Variants in JAKMIP1 observed in about 807,000 individuals in gnomAD.
The protein encoded by JAKMIP1 is janus kinase and microtubule interacting protein 1, also known as janus kinase and microtubule-interacting protein 1.
A neutral mutation model predicts 113.0 loss-of-function variants in JAKMIP1; 33 were observed. That is an observed-to-expected ratio of 0.29 (90% CI 0.22 to 0.39). JAKMIP1 has a LOEUF of 0.39. JAKMIP1 is among the 10% of genes least tolerant of loss of function. The probability of loss-of-function intolerance (pLI) is 1.00; values close to 1 mark genes in which losing one functional copy is unlikely to be tolerated. For synonymous variants in JAKMIP1, 480 were observed against 459.9 expected (o/e 1.04, Z -0.56); for missense variants, 813 against 1,080.5 (o/e 0.75, Z 3.47).
At chr4:6,057,538 TG>T (rs1716648381) in intron 11 of JAKMIP1, among the ~76,000 whole-genome samples, 1 of 152,238 alleles carries the variant, frequency 6.6e-6, no homozygotes, top group Admixed American at 6.5e-5. Flanking sequence ...TCTGTCTCCC[TG>T]GCACCTGGCA....
chr4:6,122,074 G>A (rs763937887), intron 1 of JAKMIP1, among the ~76,000 whole-genome samples: 9 of 152,242 alleles, frequency 5.9e-5, no homozygotes, highest in Non-Finnish European at 1.2e-4. Flanking sequence ...GCCGGATGCA[G>A]TGGCTCACGC....
In JAKMIP1 at chr4:6,044,722, G is replaced by A. The variant is rs192296698; in HGVS notation, c.2029-2495C>T. Among the ~76,000 whole-genome samples the A allele has an allele frequency of 6.1e-5, 9 of 146,836 alleles. No individual in the cohort carries two copies. In the East Asian group the frequency reaches 1.2e-3, roughly 19 times the overall value. On this transcript the variant is annotated intron_variant, in intron 16 of 20. Transcript: ENST00000409021. The surrounding 1 kb of genome is among the most constrained non-coding windows in gnomAD (Gnocchi z 4.4). ...AGTGTTGAGATTTGTTGCTGCTGTCGTTTAAAAAATTGCATATAAAAAATA... is the reference window on the plus strand; with the variant it reads ...AGTGTTGAGATTTGTTGCTGCTGTCATTTAAAAAATTGCATATAAAAAATA...
rs2108993894 is a variant in JAKMIP1 at position 6,156,405 on chromosome 4, T to C, written c.-147-43408A>G. Among the ~76,000 whole-genome samples, 1 of 152,366 alleles carries C rather than the reference T, an allele frequency of 6.6e-6. No individual in the cohort carries two copies. Among genetic ancestry groups the C allele is most frequent in the South Asian group, 2.1e-4 (1 of 4,828 alleles). On this transcript the variant is annotated intron_variant, in intron 1 of 20. Coordinates refer to ENST00000409021, the MANE Select transcript of JAKMIP1 (RefSeq NM_001099433.2). This position sits in a 1 kb window ranked among gnomAD's most constrained non-coding sequence, Gnocchi z 5.0. ...ATGCATGTCCCAATTGACAGCAGCT[T>C]AGATTTAATAAAATACGGTACCTAA...
chr4:6,154,385 G>A lies in JAKMIP1; in HGVS notation c.-147-41388C>T, dbSNP rs1275423664. On this transcript the variant is annotated intron_variant, in intron 1 of 20. Transcript: ENST00000409021. The surrounding 1 kb of genome is among the most constrained non-coding windows in gnomAD (Gnocchi z 4.2). ...CCAGAAAGGATTTACCACAAAGAGC[G>A]TGAAGAGAGTGGTCCCCTTCCAAGT... Among the ~76,000 whole-genome samples the A allele has an allele frequency of 6.6e-6, 1 of 152,014 alleles. No individual in the cohort carries two copies. The highest frequency in any genetic ancestry group is 1.5e-5 in the Non-Finnish European group (1 of 68,008).
intron 16 of JAKMIP1, among the ~76,000 whole-genome samples, chr4:6,047,210 C>T (rs1361890396): frequency 2.0e-5 from 3 of 152,194 alleles, no homozygotes; most frequent in East Asian, 1.9e-4. Flanking sequence ...GAGGCCTCCC[C>T]GACATCAAAG....
chr4:6,188,025 C>T lies in JAKMIP1; in HGVS notation c.-148+12228G>A, dbSNP rs186259339. ...AGGTATTTCTTTTAAATGTAGATAGCAGAATTACCTTTCTGACAATGTTAA... is the reference window on the plus strand; with the variant it reads ...AGGTATTTCTTTTAAATGTAGATAGTAGAATTACCTTTCTGACAATGTTAA... On this transcript the variant is annotated intron_variant, in intron 1 of 20. Coordinates refer to ENST00000409021, the MANE Select transcript of JAKMIP1 (RefSeq NM_001099433.2). This position sits in a 1 kb window ranked among gnomAD's most constrained non-coding sequence, Gnocchi z 5.8. Among the ~76,000 whole-genome samples, 163 of 152,276 alleles carry T rather than the reference C, an allele frequency of 1.1e-3. No individual in the cohort carries two copies. Among genetic ancestry groups the T allele is most frequent in the Middle Eastern group, 3.4e-3 (1 of 294 alleles).
chr4:6,128,078 G>C (rs1717979469), intron 1 of JAKMIP1, among the ~76,000 whole-genome samples: 1 of 152,278 alleles, frequency 6.6e-6, no homozygotes, highest in African/African-American at 2.4e-5. Context: ...TGTGATGCCA[G>C]GATTACCACC....
chr4:6,085,504 G>C lies in JAKMIP1; in HGVS notation c.750C>G (p.Val250=). The part of the protein sequence containing the change: ...KEALDEQLVQ[V]KEAERHHSSP... ...TACTGTGGTGCCGCTCGGCCTCCTTGACCTGAACCAGCTGCTCATCCAAAG... is the reference window on the plus strand; with the variant it reads ...TACTGTGGTGCCGCTCGGCCTCCTTCACCTGAACCAGCTGCTCATCCAAAG... The change falls in exon 4 of 21, where the codon GTC becomes GTG. Residue 250 remains valine (V), a synonymous_variant. Coordinates refer to ENST00000409021, the MANE Select transcript of JAKMIP1 (RefSeq NM_001099433.2). 1 of 1,614,156 alleles carries C rather than the reference G, an allele frequency of 6.2e-7. No homozygotes were observed.
intron 1 of JAKMIP1, among the ~76,000 whole-genome samples, chr4:6,120,228 A>G (rs1716503477): frequency 6.6e-6 from 1 of 151,324 alleles, no homozygotes. Context: ...AGCCCTTAGG[A>G]AAAAAATCTC....
Position 6,089,864 on chromosome 4 carries a change from C to G in JAKMIP1, c.625-4235G>C, listed in dbSNP as rs1721797106. Among the ~76,000 whole-genome samples the G allele has an allele frequency of 6.6e-6, 1 of 152,158 alleles. No individual in the cohort carries two copies. The stretch of plus-strand genomic sequence containing the variant: ...ATGTCACCTTACTTCGAAATAGGGC[C>G]TTTGCAGATGAAATGAAGATGCAAA... On this transcript the variant is annotated intron_variant, in intron 3 of 20. Transcript: ENST00000409021. The surrounding 1 kb of genome is among the most constrained non-coding windows in gnomAD (Gnocchi z 5.3).
rs960705349 is a variant in JAKMIP1, at chr4:6,156,189, C to A, written c.-147-43192G>T. Among the ~76,000 whole-genome samples the A allele has an allele frequency of 1.3e-5, 2 of 152,368 alleles. No individual in the cohort carries two copies. Among genetic ancestry groups the A allele is most frequent in the African/African-American group, 4.8e-5 (2 of 41,578 alleles). ...TCTTCTCACCGTACCACGCCCGGCA[C>A]AGAGCCAGCCAGCCACGCGCAAAGC... On this transcript the variant is annotated intron_variant, in intron 1 of 20. Coordinates refer to ENST00000409021, the MANE Select transcript of JAKMIP1 (RefSeq NM_001099433.2). The surrounding 1 kb of genome is among the most constrained non-coding windows in gnomAD (Gnocchi z 5.0).
At position 6,065,650 on chromosome 4, in the gene JAKMIP1, G is replaced by A. The variant is rs1011312633; in HGVS notation, c.1303-642C>T. Among the ~76,000 whole-genome samples the A allele has an allele frequency of 6.6e-6, 1 of 152,206 alleles. No homozygotes were observed. Among genetic ancestry groups the A allele is most frequent in the African/African-American group, 2.4e-5 (1 of 41,462 alleles). On this transcript the variant is annotated intron_variant, in intron 8 of 20. Transcript: ENST00000409021. The surrounding 1 kb of genome is among the most constrained non-coding windows in gnomAD (Gnocchi z 5.1). Reference sequence around the variant, plus strand: ...TTATAGAAAACTGGGAAGATTCACAGAATGAGAAGGAATCATGTAATAGAC... The same window carrying A: ...TTATAGAAAACTGGGAAGATTCACAAAATGAGAAGGAATCATGTAATAGAC...
At position 6,065,512 on chromosome 4, in the gene JAKMIP1, T is replaced by G. The variant is rs1449855718; in HGVS notation, c.1303-504A>C. 6.6e-6 allele frequency among the ~76,000 whole-genome samples: 1 copy of G among 152,214 alleles called. No individual in the cohort carries two copies. Among genetic ancestry groups the G allele is most frequent in the Non-Finnish European group, 1.5e-5 (1 of 68,036 alleles). ...TAAGGACAGCAGAGGGGGCAACAGCTTGAAGGAGTGGAGAGCCCAGCCATA... is the reference window on the plus strand; with the variant it reads ...TAAGGACAGCAGAGGGGGCAACAGCGTGAAGGAGTGGAGAGCCCAGCCATA... On this transcript the variant is annotated intron_variant, in intron 8 of 20. Transcript: ENST00000409021. This position sits in a 1 kb window ranked among gnomAD's most constrained non-coding sequence, Gnocchi z 5.1.
Position 6,080,072 on chromosome 4 carries a change from C to T in JAKMIP1, c.1242+100G>A. On this transcript the variant is annotated intron_variant, in intron 7 of 20. Coordinates refer to ENST00000409021, the MANE Select transcript of JAKMIP1 (RefSeq NM_001099433.2). This position sits in a 1 kb window ranked among gnomAD's most constrained non-coding sequence, Gnocchi z 6.0. ...TCAGCACTGCCTGACCCTGACCCAG[C>T]TCAGCAGCATCACCCTGAGCCCCAA... The T allele has an allele frequency of 7.2e-7, 1 of 1,385,728 alleles. No individual in the cohort carries two copies. Among genetic ancestry groups the T allele is most frequent in the South Asian group, 1.4e-5 (1 of 69,776 alleles). 85.8% of individuals were successfully genotyped at this position (1,385,728 alleles called of 1,614,324 possible).
intron 1 of JAKMIP1, among the ~76,000 whole-genome samples, chr4:6,128,973 G>A (rs575432911): frequency 9.8e-5 from 15 of 152,358 alleles, no homozygotes; most frequent in Admixed American, 4.6e-4. Context: ...TCACCCGGGC[G>A]TCGGGTCCAC....
At position 6,061,505 on chromosome 4, in the gene JAKMIP1, T is replaced by C. The variant is rs1007687314; in HGVS notation, c.1560+807A>G. 3.3e-5 allele frequency among the ~76,000 whole-genome samples: 5 copies of C among 152,230 alleles called. No homozygotes were observed. Among genetic ancestry groups the C allele is most frequent in the African/African-American group, 1.2e-4 (5 of 41,452 alleles). On this transcript the variant is annotated intron_variant, in intron 10 of 20. Coordinates refer to ENST00000409021, the MANE Select transcript of JAKMIP1 (RefSeq NM_001099433.2). The surrounding 1 kb of genome is among the most constrained non-coding windows in gnomAD (Gnocchi z 5.3). ...AAGACTACCAAAATCCATCCATTTG[T>C]GGAATTCCCAAACAGGGCTCTGAGA...
chr4:6,197,005 A>G lies in JAKMIP1; in HGVS notation c.-148+3248T>C, dbSNP rs1727924190. On this transcript the variant is annotated intron_variant, in intron 1 of 20. Coordinates refer to ENST00000409021, the MANE Select transcript of JAKMIP1 (RefSeq NM_001099433.2). The surrounding 1 kb of genome is among the most constrained non-coding windows in gnomAD (Gnocchi z 6.5). ...CCGGAGTCAGGGAGCCCCACTTCTG[A>G]GTCCCCCAGTGTCCTGAGACTTGGC... 6.6e-6 allele frequency among the ~76,000 whole-genome samples: 1 copy of G among 152,158 alleles called. No individual in the cohort carries two copies. The highest frequency in any genetic ancestry group is 2.4e-5 in the African/African-American group (1 of 41,442).
At position 6,176,744 on chromosome 4, in the gene JAKMIP1, G is replaced by A. The variant is rs1244165272; in HGVS notation, c.-148+23509C>T. Among the ~76,000 whole-genome samples the A allele has an allele frequency of 6.6e-6, 1 of 152,170 alleles. No individual in the cohort carries two copies. The highest frequency in any genetic ancestry group is 2.4e-5 in the African/African-American group (1 of 41,428). On this transcript the variant is annotated intron_variant, in intron 1 of 20. Coordinates refer to ENST00000409021, the MANE Select transcript of JAKMIP1 (RefSeq NM_001099433.2). The surrounding 1 kb of genome is among the most constrained non-coding windows in gnomAD (Gnocchi z 5.5). ...AAATTGGAGCCTATATCAAAGTGGT[G>A]GGAAAAGCTGGGCGCCATGGCTCAC...
In JAKMIP1 at chr4:6,138,942, C is replaced by T. The variant is rs1479211222; in HGVS notation, c.-147-25945G>A. Among the ~76,000 whole-genome samples the T allele has an allele frequency of 6.6e-6, 1 of 152,204 alleles. No individual in the cohort carries two copies. The highest frequency in any genetic ancestry group is 1.5e-5 in the Non-Finnish European group (1 of 68,048). Reference sequence around the variant, plus strand: ...CTTACTGCCTTGATTCCTGGGCTTACTGAACTCTCACGAGCCTTCATCTGG... The same window carrying T: ...CTTACTGCCTTGATTCCTGGGCTTATTGAACTCTCACGAGCCTTCATCTGG... On this transcript the variant is annotated intron_variant, in intron 1 of 20. Transcript: ENST00000409021. The surrounding 1 kb of genome is among the most constrained non-coding windows in gnomAD (Gnocchi z 6.0).
Sources: allele counts gnomAD v4.1 joint callset (sites outside exome capture counted in the v4.1 genomes callset), GRCh38; gene constraint gnomAD v4.1.1; non-coding constraint Gnocchi (gnomAD v3.1); transcripts MANE v1.5; gene names NCBI Gene and HGNC (gene_info 2026-07-23, HGNC 2026-07-21).